Variants in PLA2G4A observed in about 807,000 individuals in gnomAD.
PLA2G4A encodes cytosolic phospholipase A2.
In PLA2G4A, 40 loss-of-function variants were observed where a neutral mutation model predicts 81.9. That is an observed-to-expected ratio of 0.49 (90% confidence interval 0.38 to 0.64). The LOEUF is 0.64. Ranked by LOEUF, PLA2G4A falls within the 30% of genes least tolerant of loss-of-function variation. The pLI is 0.00. For missense variants in PLA2G4A, 715 were observed against 905.1 expected, an observed-to-expected ratio of 0.79 and a Z score of 2.69; for synonymous variants, 302 against 296.9, an observed-to-expected ratio of 1.02 and a Z score of -0.18.
intron 3 of PLA2G4A, among the ~76,000 whole-genome samples, chr1:186,872,755 A>C (rs1653328019): frequency 1.3e-5 from 2 of 152,112 alleles, no homozygotes; most frequent in Admixed American, 1.3e-4. Context: ...CTTTGAATTG[A>C]TATTGATAAT....
intron 17 of PLA2G4A, among the ~76,000 whole-genome samples, chr1:186,987,177 G>A (rs1467355283): frequency 6.6e-6 from 1 of 152,226 alleles, no homozygotes; most frequent in Admixed American, 6.5e-5. Flanking sequence ...GATCTCACAT[G>A]TTTAAGTGGT....
At chr1:186,835,885 T>C (rs989255870) in intron 1 of PLA2G4A, among the ~76,000 whole-genome samples, 1 of 152,192 alleles carries the variant, frequency 6.6e-6, no homozygotes, top group Non-Finnish European at 1.5e-5. Flanking sequence ...TGCTTACTTA[T>C]AATCTATTAC....
At chr1:186,949,082 T>C (rs1223314214) in intron 12 of PLA2G4A, among the ~76,000 whole-genome samples, 1 of 152,178 alleles carries the variant, frequency 6.6e-6, no homozygotes, top group Non-Finnish European at 1.5e-5. Flanking sequence ...TAAGGAGTTT[T>C]GAATGAATGT....
chr1:186,850,069 T>G (rs1275406147), intron 1 of PLA2G4A, among the ~76,000 whole-genome samples: 1 of 152,148 alleles, frequency 6.6e-6, no homozygotes, highest in African/African-American at 2.4e-5. Flanking sequence ...TTTGCACTAG[T>G]ATTCTTCAAA....
chr1:186,963,030 T>C (rs561479432), intron 14 of PLA2G4A, among the ~76,000 whole-genome samples: 1 of 152,182 alleles, frequency 6.6e-6, no homozygotes, highest in Admixed American at 6.5e-5. Flanking sequence ...CTACCTCCTT[T>C]GTAAGATTGT....
intron 7 of PLA2G4A, among the ~76,000 whole-genome samples, chr1:186,919,916 G>A (rs541030999): frequency 1.6e-4 from 24 of 152,236 alleles, no homozygotes; most frequent in African/African-American, 5.3e-4. Context: ...GACTGGCAAG[G>A]AACTATAATT....
At chr1:186,855,643 C>T (rs1328523568) in intron 2 of PLA2G4A, among the ~76,000 whole-genome samples, 1 of 151,974 alleles carries the variant, frequency 6.6e-6, no homozygotes, top group African/African-American at 2.4e-5. Context: ...CTGCATTCAA[C>T]GTTGTGTCTA....
chr1:186,980,770 CTT>C (rs1657695204), intron 17 of PLA2G4A, among the ~76,000 whole-genome samples: 1 of 151,506 alleles, frequency 6.6e-6, no homozygotes, highest in African/African-American at 2.4e-5. Context: ...TAATTAATAT[CTT>C]TAATTTTTGT....
At chr1:186,973,904 C>T (rs1657443816) in intron 15 of PLA2G4A, among the ~76,000 whole-genome samples, 1 of 152,048 alleles carries the variant, frequency 6.6e-6, no homozygotes. Flanking sequence ...TATATGCCAT[C>T]CTTCTCCCTA....
At chr1:186,889,072 A>C (rs1654039830) in intron 3 of PLA2G4A, among the ~76,000 whole-genome samples, 1 of 152,200 alleles carries the variant, frequency 6.6e-6, no homozygotes, top group Non-Finnish European at 1.5e-5. Flanking sequence ...TAAGGAAAAG[A>C]AGCAGTCACC....
chr1:186,894,472 A>T (rs1265787329), intron 5 of PLA2G4A, among the ~76,000 whole-genome samples: 1 of 152,212 alleles, frequency 6.6e-6, no homozygotes, highest in African/African-American at 2.4e-5. Flanking sequence ...TGACATTGGG[A>T]TTCAGCAATG....
chr1:186,873,046 G>A (rs1283618348), intron 3 of PLA2G4A, among the ~76,000 whole-genome samples: 5 of 151,790 alleles, frequency 3.3e-5, no homozygotes, highest in East Asian at 3.9e-4. Flanking sequence ...AGTTGTTGTC[G>A]ACCATTTATA....
At chr1:186,895,253 T>A (rs1431515361) in intron 5 of PLA2G4A, among the ~76,000 whole-genome samples, 1 of 152,244 alleles carries the variant, frequency 6.6e-6, no homozygotes, top group Non-Finnish European at 1.5e-5. Flanking sequence ...ATTTATGGAA[T>A]GAATGTGTAC....
chr1:186,954,896 A>G (rs762763102), intron 13 of PLA2G4A, among the ~76,000 whole-genome samples: 82 of 152,358 alleles, frequency 5.4e-4, no homozygotes, highest in Admixed American at 1.0e-3. Flanking sequence ...TTCTGCTGCT[A>G]GCTAGTGTTT....
chr1:186,976,888 C>T (rs1329642642), intron 15 of PLA2G4A, among the ~76,000 whole-genome samples: 3 of 152,150 alleles, frequency 2.0e-5, no homozygotes, highest in South Asian at 2.1e-4. Flanking sequence ...ATAAATCACC[C>T]GTGGAGGCTC....
At chr1:186,853,769 C>G (rs896760010) in intron 1 of PLA2G4A, among the ~76,000 whole-genome samples, 4 of 151,820 alleles carry the variant, frequency 2.6e-5, no homozygotes, top group Admixed American at 1.3e-4. Flanking sequence ...CCAAATTAAA[C>G]TGGTGTCTTC....
At chr1:186,870,556 A>G (rs753629931) in intron 3 of PLA2G4A, 40 bp downstream of exon 3, 7 of 1,394,410 alleles carry the variant, frequency 5.0e-6, no homozygotes, top group Non-Finnish European at 7.1e-6. Context: ...ACATGTAATT[A>G]TGGTTCAGCC....
At chr1:186,885,231 A>G (rs1229196355) in intron 3 of PLA2G4A, among the ~76,000 whole-genome samples, 1 of 152,178 alleles carries the variant, frequency 6.6e-6, no homozygotes, top group African/African-American at 2.4e-5. Context: ...GCAAAAATAA[A>G]AACCTGAAAA....
chr1:186,887,676 T>C (rs963405348), intron 3 of PLA2G4A, among the ~76,000 whole-genome samples: 4 of 152,156 alleles, frequency 2.6e-5, no homozygotes, highest in African/African-American at 9.7e-5. Flanking sequence ...TAGGTGTTAA[T>C]TGACAAAGCC....
Sources: gnomAD v4.1 joint callset for allele counts (sites outside exome capture counted in the v4.1 genomes callset) on GRCh38, gnomAD v4.1.1 for gene constraint, MANE v1.5 for transcripts, NCBI Gene and HGNC (gene_info 2026-07-23, HGNC 2026-07-21) for gene names.